The following CWC27 variants were observed in gnomAD, a reference collection of about 807,000 sequenced individuals.
CWC27 encodes the protein spliceosome-associated protein CWC27 homolog.
CWC27 carries 47 observed loss-of-function variants against 63.6 expected under a neutral mutation model. That is an observed-to-expected ratio of 0.74 (90% CI 0.58 to 0.94). The LOEUF (loss-of-function observed/expected upper bound fraction) is 0.94. CWC27 is among the 40% of genes least tolerant of loss of function. CWC27 has a pLI of 0.00. For synonymous variants in CWC27, 175 were observed against 179.8 expected (o/e 0.97, Z 0.22); for missense variants, 495 against 554.3 (o/e 0.89, Z 1.07).
rs539292074 is a variant in CWC27 at position 64,789,980 on chromosome 5, T to C, written c.669+960T>C. ...TGTTTTTACTTCTTTAGCCATATGT[T>C]CCCTTATTAGTGAGCACGGTTTTGC... On this transcript the variant is annotated intron_variant, in intron 7 of 13. Transcript: ENST00000381070. Among the ~76,000 whole-genome samples, 3 of 152,260 alleles carry C rather than the reference T, an allele frequency of 2.0e-5. No individual in the cohort carries two copies. The South Asian group carries it at 6.2e-4, about 32-fold the overall frequency.
At chr5:64,885,620 G>A (rs537486584) in intron 11 of CWC27, 74 bp downstream of exon 11, 24 of 1,062,644 alleles carry the variant, frequency 2.3e-5, no homozygotes, top group South Asian at 9.9e-5. Context: ...CTCCCTGCCC[G>A]CTCCCGTATT....
intron 11 of CWC27, among the ~76,000 whole-genome samples, chr5:64,942,664 T>C (rs1748509105): frequency 6.6e-6 from 1 of 152,184 alleles, no homozygotes; most frequent in Non-Finnish European, 1.5e-5. Flanking sequence ...TTGGTCAGCC[T>C]GTTTTTAGCT....
rs551035557 is a variant in CWC27, at chr5:64,829,447, A to G, written c.938+25061A>G. Reference sequence around the variant, plus strand: ...TCTGTTAGAACTCTACTAGTAAAAAAACAGGTATCGAGAAAGAAATATGTA... The same window carrying G: ...TCTGTTAGAACTCTACTAGTAAAAAGACAGGTATCGAGAAAGAAATATGTA... On this transcript the variant is annotated intron_variant, in intron 10 of 13. Coordinates refer to ENST00000381070, the MANE Select transcript of CWC27 (RefSeq NM_005869.4). Among the ~76,000 whole-genome samples, 6 of 152,228 alleles carry G rather than the reference A, an allele frequency of 3.9e-5. No individual in the cohort carries two copies. The East Asian group carries it at 9.6e-4, about 24-fold the overall frequency.
intron 11 of CWC27, among the ~76,000 whole-genome samples, chr5:64,917,577 C>A (rs1422024763): frequency 6.6e-6 from 1 of 152,144 alleles, no homozygotes; most frequent in Non-Finnish European, 1.5e-5. Flanking sequence ...AATTGGTAGA[C>A]TGAGTAGAGC....
chr5:64,792,622 A>G (rs1267238523), intron 7 of CWC27, among the ~76,000 whole-genome samples: 1 of 152,184 alleles, frequency 6.6e-6, no homozygotes. Context: ...TTACAGAAGA[A>G]GCATATGACT....
intron 11 of CWC27, among the ~76,000 whole-genome samples, chr5:64,922,368 C>T (rs1748014665): frequency 6.6e-6 from 1 of 152,034 alleles, no homozygotes; most frequent in Admixed American, 6.5e-5. Flanking sequence ...GCCTGTGTGG[C>T]TTCAAAGGAG....
At chr5:64,835,470 G>T (rs987156240) in intron 10 of CWC27, among the ~76,000 whole-genome samples, 3 of 151,722 alleles carry the variant, frequency 2.0e-5, no homozygotes, top group Non-Finnish European at 4.4e-5. Flanking sequence ...ATATATTTTG[G>T]CTTGGCATGT....
At chr5:64,959,893 C>T (rs1279512780) in intron 11 of CWC27, among the ~76,000 whole-genome samples, 3 of 152,102 alleles carry the variant, frequency 2.0e-5, no homozygotes, top group African/African-American at 7.2e-5. Context: ...GAGTTTACAG[C>T]CTGGAGGGCA....
chr5:64,991,154 C>T (rs1749529724), intron 13 of CWC27, among the ~76,000 whole-genome samples: 1 of 152,208 alleles, frequency 6.6e-6, no homozygotes, highest in South Asian at 2.1e-4. Flanking sequence ...ACCTTGCATT[C>T]ACTTAGGATT....
At chr5:64,985,405 A>ATGAT in intron 13 of CWC27, among the ~76,000 whole-genome samples, 1 of 152,346 alleles carries the variant, frequency 6.6e-6, no homozygotes, top group African/African-American at 2.4e-5. Flanking sequence ...ATCCATAAAC[A>ATGAT]TGATTATGTC....
intron 11 of CWC27, among the ~76,000 whole-genome samples, chr5:64,952,995 C>T (rs1194136226): frequency 6.6e-6 from 1 of 152,110 alleles, no homozygotes; most frequent in Non-Finnish European, 1.5e-5. Flanking sequence ...GTCCCTTGTA[C>T]TTTATTCCAT....
intron 13 of CWC27, among the ~76,000 whole-genome samples, chr5:64,979,324 A>C (rs985947069): frequency 6.6e-6 from 1 of 152,224 alleles, no homozygotes; most frequent in East Asian, 1.9e-4. Flanking sequence ...AGAGCTGTAC[A>C]CTATGAACCT....
At chr5:64,900,623 T>G (rs1428697907) in intron 11 of CWC27, among the ~76,000 whole-genome samples, 1 of 152,148 alleles carries the variant, frequency 6.6e-6, no homozygotes, top group Non-Finnish European at 1.5e-5. Flanking sequence ...AAGAAATCTT[T>G]GCCTGACTCA....
intron 10 of CWC27, among the ~76,000 whole-genome samples, chr5:64,842,595 C>T (rs1745874090): frequency 6.8e-6 from 1 of 147,934 alleles, no homozygotes; most frequent in African/African-American, 2.5e-5. Context: ...AGCCACTGCT[C>T]CCAGCCTATT....
chr5:64,972,668 T>C (rs1172431951), intron 12 of CWC27: 1 of 455,008 alleles, frequency 2.2e-6, no homozygotes, highest in Admixed American at 2.4e-5. Context: ...CATTATTAAC[T>C]TGTTTTCATG....
chr5:64,960,895 G>A (rs571803966), intron 11 of CWC27, among the ~76,000 whole-genome samples: 1 of 149,982 alleles, frequency 6.7e-6, no homozygotes, highest in Non-Finnish European at 1.5e-5. Context: ...CTACACGCCT[G>A]CACCACTACA....
At chr5:64,923,336 C>G (rs1748035143) in intron 11 of CWC27, among the ~76,000 whole-genome samples, 1 of 152,026 alleles carries the variant, frequency 6.6e-6, no homozygotes, top group South Asian at 2.1e-4. Context: ...TCAGACCTGT[C>G]TCAGCAGGAC....
chr5:64,791,896 A>G (rs972740386), intron 7 of CWC27, among the ~76,000 whole-genome samples: 15 of 151,914 alleles, frequency 9.9e-5, no homozygotes, highest in African/African-American at 3.6e-4. Context: ...GCAATTTTTT[A>G]TCCAAGATGT....
At position 65,015,321 on chromosome 5, in the gene CWC27, C is replaced by G. The variant is rs150069692; in HGVS notation, c.1257-2838C>G. 1.0e-3 allele frequency among the ~76,000 whole-genome samples: 157 copies of G among 152,202 alleles called. 1 individual carries two copies. The highest frequency in any genetic ancestry group is 3.6e-3 in the African/African-American group (148 of 41,522). ...ACAGAAAACCATCTGTATTTCTGGG[C>G]AGAGAAAAGGATAATTTTTTAAATA... On this transcript the variant is annotated intron_variant, in intron 13 of 13. Coordinates refer to ENST00000381070, the MANE Select transcript of CWC27 (RefSeq NM_005869.4).
Sources: gnomAD v4.1 joint callset for allele counts (sites outside exome capture counted in the v4.1 genomes callset) on GRCh38, gnomAD v4.1.1 for gene constraint, MANE v1.5 for transcripts, NCBI Gene and HGNC (gene_info 2026-07-23, HGNC 2026-07-21) for gene names.